Variants in XKR4 observed in about 807,000 individuals in gnomAD.
XKR4 encodes the protein XK-related protein 4.
XKR4 carries 12 observed loss-of-function variants against 53.9 expected under a neutral mutation model. That is an observed-to-expected ratio of 0.22 (90% CI 0.14 to 0.36). The LOEUF (loss-of-function observed/expected upper bound fraction) is 0.36, where lower values mean the gene tolerates loss of function less well. Among genes scored for constraint, XKR4 ranks in the 10% least tolerant of loss-of-function variants. The pLI is 1.00. For missense variants in XKR4, 799 were observed against 859.5 expected, an observed-to-expected ratio of 0.93 and a Z score of 0.88; for synonymous variants, 354 against 362.4, an observed-to-expected ratio of 0.98 and a Z score of 0.26.
chr8:55,500,762 C>T (rs1419215711), intron 2 of XKR4, among the ~76,000 whole-genome samples: 4 of 152,180 alleles, frequency 2.6e-5, no homozygotes, highest in Non-Finnish European at 4.4e-5. Context: ...TTTAACCCTG[C>T]AAAACCCCTA....
intron 1 of XKR4, among the ~76,000 whole-genome samples, chr8:55,230,363 CTTT>C (rs5891564): frequency 1.4e-5 from 2 of 138,372 alleles, no homozygotes; most frequent in Admixed American, 7.2e-5. Flanking sequence ...GAAAGAGACA[CTTT>C]TTTTTTTTTT....
At chr8:55,259,389 G>A (rs548611931) in intron 1 of XKR4, among the ~76,000 whole-genome samples, 3 of 152,322 alleles carry the variant, frequency 2.0e-5, no homozygotes, top group South Asian at 2.1e-4. Flanking sequence ...GCAGCTACTA[G>A]TGCGATATGA....
intron 1 of XKR4, among the ~76,000 whole-genome samples, chr8:55,125,151 G>A (rs1377392578): frequency 6.6e-6 from 1 of 152,156 alleles, no homozygotes; most frequent in East Asian, 1.9e-4. Context: ...ATCCATTTTA[G>A]CAAGTGCTTC....
At chr8:55,197,224 A>G (rs1479674440) in intron 1 of XKR4, among the ~76,000 whole-genome samples, 1 of 152,156 alleles carries the variant, frequency 6.6e-6, no homozygotes, top group Non-Finnish European at 1.5e-5. Flanking sequence ...AGCCATTTCC[A>G]TATATCTATA....
At chr8:55,310,966 A>G (rs1242262526) in intron 1 of XKR4, among the ~76,000 whole-genome samples, 1 of 152,188 alleles carries the variant, frequency 6.6e-6, no homozygotes, top group Non-Finnish European at 1.5e-5. Flanking sequence ...TCCACCTGGG[A>G]ACTAGGGTGC....
intron 1 of XKR4, among the ~76,000 whole-genome samples, chr8:55,141,252 A>T (rs908903005): frequency 1.3e-5 from 2 of 152,150 alleles, no homozygotes; most frequent in Non-Finnish European, 2.9e-5. Context: ...CTGTCGCAGG[A>T]CCGCCTCCCT....
intron 1 of XKR4, among the ~76,000 whole-genome samples, chr8:55,234,074 G>A (rs1818084391): frequency 6.6e-6 from 1 of 152,142 alleles, no homozygotes; most frequent in Non-Finnish European, 1.5e-5. Flanking sequence ...AGGAAACTGT[G>A]GTCAAGATAG....
intron 2 of XKR4, among the ~76,000 whole-genome samples, chr8:55,424,763 T>A (rs932231453): frequency 4.6e-5 from 7 of 152,212 alleles, no homozygotes; most frequent in African/African-American, 1.7e-4. Flanking sequence ...AGGTATTTGT[T>A]GATGAATAGA....
intron 1 of XKR4, among the ~76,000 whole-genome samples, chr8:55,148,522 G>A (rs1014254200): frequency 6.6e-6 from 1 of 152,140 alleles, no homozygotes; most frequent in Non-Finnish European, 1.5e-5. Flanking sequence ...AGAATGCAAT[G>A]AGGGCTTTTT....
intron 2 of XKR4, among the ~76,000 whole-genome samples, chr8:55,464,681 A>G (rs1344947355): frequency 1.3e-5 from 2 of 152,182 alleles, no homozygotes; most frequent in Non-Finnish European, 2.9e-5. Context: ...AATTAGGAAA[A>G]GAGGAAGTCA....
At chr8:55,452,217 A>C (rs767603267) in intron 2 of XKR4, 26 of 671,510 alleles carry the variant, frequency 3.9e-5, no homozygotes, top group Non-Finnish European at 6.3e-5. Flanking sequence ...CATTTTCAGC[A>C]GCTGGAATGT....
At chr8:55,304,983 G>T (rs1160409689) in intron 1 of XKR4, among the ~76,000 whole-genome samples, 1 of 151,952 alleles carries the variant, frequency 6.6e-6, no homozygotes, top group Non-Finnish European at 1.5e-5. Flanking sequence ...GAAAATAACT[G>T]AATTCAAAAA....
At chr8:55,160,859 TTGC>T (rs1454176827) in intron 1 of XKR4, among the ~76,000 whole-genome samples, 1 of 152,324 alleles carries the variant, frequency 6.6e-6, no homozygotes, top group East Asian at 1.9e-4. Context: ...CATTAAATAT[TTGC>T]TGAATAAATA....
intron 2 of XKR4, among the ~76,000 whole-genome samples, chr8:55,477,600 AC>A: frequency 6.6e-6 from 1 of 152,132 alleles, no homozygotes; most frequent in East Asian, 1.9e-4. Flanking sequence ...AGATGATCAA[AC>A]TACTCCGAGC....
At chr8:55,257,372 T>G (rs1818452378) in intron 1 of XKR4, among the ~76,000 whole-genome samples, 1 of 142,960 alleles carries the variant, frequency 7.0e-6, no homozygotes, top group Non-Finnish European at 1.5e-5. Context: ...GAGGCAGAAA[T>G]GAAAAAAGAG....
chr8:55,270,106 C>A (rs189381212), intron 1 of XKR4, among the ~76,000 whole-genome samples: 1 of 152,128 alleles, frequency 6.6e-6, no homozygotes, highest in African/African-American at 2.4e-5. Flanking sequence ...AGGATGGAAC[C>A]CTTCTTGTGG....
chr8:55,115,598 C>G (rs1171025632), intron 1 of XKR4, among the ~76,000 whole-genome samples: 1 of 152,130 alleles, frequency 6.6e-6, no homozygotes, highest in Non-Finnish European at 1.5e-5. Context: ...TCCTGGCCAA[C>G]ATGGTGAAAC....
chr8:55,379,109 T>A (rs1804194341), intron 2 of XKR4, among the ~76,000 whole-genome samples: 1 of 152,156 alleles, frequency 6.6e-6, no homozygotes, highest in South Asian at 2.1e-4. Flanking sequence ...AAGGAAGATA[T>A]CATTAAGTCA....
chr8:55,219,630 C>G, intron 1 of XKR4, among the ~76,000 whole-genome samples: 1 of 152,164 alleles, frequency 6.6e-6, no homozygotes, highest in East Asian at 1.9e-4. Flanking sequence ...TCAAGTCTTG[C>G]AAACCAACAA....
Sources: gnomAD v4.1 joint callset for allele counts (sites outside exome capture counted in the v4.1 genomes callset) on GRCh38, gnomAD v4.1.1 for gene constraint, MANE v1.5 for transcripts, NCBI Gene and HGNC (gene_info 2026-07-23, HGNC 2026-07-21) for gene names.